Variants in NTRK2 observed in about 807,000 individuals in gnomAD.
The protein encoded by NTRK2 is BDNF/NT-3 growth factors receptor.
Under a neutral mutation model 94.5 loss-of-function variants are expected in NTRK2, and 13 were observed. The ratio of observed to expected loss-of-function variants is 0.14; its 90% confidence interval spans 0.09 to 0.22. The LOEUF is 0.22. Among genes scored for constraint, NTRK2 ranks in the 10% least tolerant of loss-of-function variants. The pLI, the probability that NTRK2 is intolerant of heterozygous loss-of-function variation, is 1.00. For missense variants in NTRK2, 639 were observed against 1,071.2 expected, an observed-to-expected ratio of 0.60 and a Z score of 5.63; for synonymous variants, 372 against 407.4, an observed-to-expected ratio of 0.91 and a Z score of 1.05.
At chr9:84,985,430 C>T (rs1416054728) in intron 17 of NTRK2, among the ~76,000 whole-genome samples, 1 of 152,208 alleles carries the variant, frequency 6.6e-6, no homozygotes, top group Admixed American at 6.5e-5. Flanking sequence ...TTTATACTTT[C>T]ACACCATCAA....
intron 12 of NTRK2, among the ~76,000 whole-genome samples, chr9:84,817,538 T>C (rs1019297563): frequency 2.6e-5 from 4 of 152,248 alleles, no homozygotes; most frequent in Non-Finnish European, 2.9e-5. Flanking sequence ...CTTGGAGAAA[T>C]AGCTCTGAAT....
intron 14 of NTRK2, among the ~76,000 whole-genome samples, chr9:84,926,514 G>A (rs1235509891): frequency 1.1e-4 from 17 of 152,032 alleles, no homozygotes; most frequent in Admixed American, 1.1e-3. Context: ...TTACAGGCAT[G>A]AGCCACCGCA....
intron 14 of NTRK2, among the ~76,000 whole-genome samples, chr9:84,869,386 A>G (rs773879852): frequency 6.6e-6 from 1 of 152,064 alleles, no homozygotes; most frequent in East Asian, 1.9e-4. Flanking sequence ...TCCACACCAT[A>G]TATCAAACGA....
chr9:84,887,567 G>C (rs1217755426), intron 14 of NTRK2, among the ~76,000 whole-genome samples: 1 of 152,230 alleles, frequency 6.6e-6, no homozygotes, highest in Non-Finnish European at 1.5e-5. Context: ...AGAAGAAAAT[G>C]ATTTTATATC....
chr9:84,846,931 A>G (rs2074503214), intron 12 of NTRK2, among the ~76,000 whole-genome samples: 1 of 152,202 alleles, frequency 6.6e-6, no homozygotes. Context: ...AGGCTAATTA[A>G]TGCATTCAAG....
At chr9:84,818,862 A>G (rs561173616) in intron 12 of NTRK2, among the ~76,000 whole-genome samples, 6 of 152,296 alleles carry the variant, frequency 3.9e-5, no homozygotes, top group Admixed American at 3.9e-4. Context: ...CAAGGTGGTG[A>G]AAAATGCCTG....
At chr9:84,714,032 A>T (rs549622425) in intron 6 of NTRK2, among the ~76,000 whole-genome samples, 1 of 152,158 alleles carries the variant, frequency 6.6e-6, no homozygotes, top group African/African-American at 2.4e-5. Context: ...CATTGGATAG[A>T]TATTTACACT....
intron 12 of NTRK2, among the ~76,000 whole-genome samples, chr9:84,859,288 A>T (rs953958196): frequency 6.6e-6 from 1 of 152,158 alleles, no homozygotes; most frequent in African/African-American, 2.4e-5. Flanking sequence ...GGAAATTGGA[A>T]ATTGTGCGTC....
At chr9:84,941,934 C>G (rs905792541) in intron 15 of NTRK2, among the ~76,000 whole-genome samples, 15 of 152,212 alleles carry the variant, frequency 9.9e-5, no homozygotes, top group African/African-American at 3.6e-4. Context: ...TGGATAGTTG[C>G]CTTGTTAGAT....
chr9:84,912,859 G>T (rs893319693), intron 14 of NTRK2, among the ~76,000 whole-genome samples: 12 of 151,736 alleles, frequency 7.9e-5, no homozygotes, highest in Non-Finnish European at 1.8e-4. Context: ...CTTGTGATCC[G>T]CCCACCTCGG....
chr9:84,877,615 G>C, intron 14 of NTRK2: 1 of 1,065,540 alleles, frequency 9.4e-7, no homozygotes, highest in Non-Finnish European at 1.1e-6. Flanking sequence ...GTTGGGCTGC[G>C]GTAGGATAGG....
intron 16 of NTRK2, among the ~76,000 whole-genome samples, chr9:84,953,206 G>A (rs1823691317): frequency 6.6e-6 from 1 of 152,206 alleles, no homozygotes; most frequent in Non-Finnish European, 1.5e-5. Flanking sequence ...GTATCCTGAA[G>A]AGCCCTGTTA....
chr9:84,829,644 C>T (rs1201862660), intron 12 of NTRK2, among the ~76,000 whole-genome samples: 1 of 152,182 alleles, frequency 6.6e-6, no homozygotes, highest in African/African-American at 2.4e-5. Flanking sequence ...GGACTCTGCA[C>T]CACCCGGGAG....
intron 2 of NTRK2, among the ~76,000 whole-genome samples, chr9:84,684,025 TG>T (rs1156854501): frequency 2.2e-5 from 3 of 133,934 alleles, no homozygotes; most frequent in African/African-American, 5.6e-5. Context: ...TCATATCCTT[TG>T]CCCACTTTTT....
intron 14 of NTRK2, among the ~76,000 whole-genome samples, chr9:84,927,638 G>A (rs2132656954): frequency 6.6e-6 from 1 of 152,032 alleles, no homozygotes; most frequent in Middle Eastern, 3.4e-3. Flanking sequence ...ATGTTGTAGT[G>A]GAAAGAATTC....
intron 2 of NTRK2, among the ~76,000 whole-genome samples, chr9:84,675,256 T>C (rs1400522730): frequency 6.6e-6 from 1 of 151,826 alleles, no homozygotes; most frequent in African/African-American, 2.4e-5. Context: ...GTATAAAAAC[T>C]AGTGTTTTTG....
intron 14 of NTRK2, among the ~76,000 whole-genome samples, chr9:84,899,135 C>T (rs1334237722): frequency 2.6e-5 from 4 of 152,194 alleles, no homozygotes; most frequent in Non-Finnish European, 5.9e-5. Context: ...ACCTAACATA[C>T]AGCTCCTCTT....
intron 17 of NTRK2, among the ~76,000 whole-genome samples, chr9:85,002,953 G>A (rs891743430): frequency 6.6e-6 from 1 of 152,212 alleles, no homozygotes; most frequent in South Asian, 2.1e-4. Context: ...AGGGGCTCCA[G>A]TAGGTGGCCT....
intron 12 of NTRK2, among the ~76,000 whole-genome samples, chr9:84,783,305 T>C (rs2067789475): frequency 6.6e-6 from 1 of 152,224 alleles, no homozygotes; most frequent in African/African-American, 2.4e-5. Context: ...TATTGCAATG[T>C]ATATTTTGTT....
Sources: allele counts gnomAD v4.1 joint callset (sites outside exome capture counted in the v4.1 genomes callset), GRCh38; gene constraint gnomAD v4.1.1; transcripts MANE v1.5; gene names NCBI Gene and HGNC (gene_info 2026-07-23, HGNC 2026-07-21).